The following CWC27 variants were observed in gnomAD, a reference collection of about 807,000 sequenced individuals.
CWC27 encodes the protein CWC27 spliceosome associated cyclophilin.
CWC27 carries 47 observed loss-of-function variants against 63.6 expected under a neutral mutation model. The observed-to-expected ratio is 0.74, with a 90% confidence interval of 0.58 to 0.94. The LOEUF (loss-of-function observed/expected upper bound fraction) is 0.94, where lower values mean the gene tolerates loss of function less well. CWC27 is among the 40% of genes least tolerant of loss of function. The probability of loss-of-function intolerance (pLI) is 0.00; values close to 1 mark genes in which losing one functional copy is unlikely to be tolerated. For synonymous variants in CWC27, 175 were observed against 179.8 expected (o/e 0.97, Z 0.22); for missense variants, 495 against 554.3 (o/e 0.89, Z 1.07).
intron 11 of CWC27, among the ~76,000 whole-genome samples, chr5:64,956,384 T>G (rs1211377572): frequency 1.3e-5 from 2 of 152,162 alleles, no homozygotes; most frequent in Admixed American, 1.3e-4. Context: ...TTATACATTC[T>G]TCATTTTCAA....
At position 65,018,168 on chromosome 5, in the gene CWC27, T is replaced by A. The variant is rs1300135504; in HGVS notation, c.1266T>A (p.His422Gln). The change falls in exon 14 of 14, where the codon CAT (histidine) becomes CAA (glutamine). Residue 422 changes from histidine to glutamine, a missense_variant. Physicochemically the swap from His to Gln is conservative, Grantham distance 24. Coordinates refer to ENST00000381070, the MANE Select transcript of CWC27 (RefSeq NM_005869.4). ...EVEDDEGWMSHVLQFEDKSRK... is the reference protein window; with the variant it reads ...EVEDDEGWMSQVLQFEDKSRK... Reference sequence around the variant, plus strand: ...CTCTCTCCCTATTTAGGATGTCACATGTACTTCAGTTTGAGGATAAAAGCA... The same window carrying A: ...CTCTCTCCCTATTTAGGATGTCACAAGTACTTCAGTTTGAGGATAAAAGCA... 1 of 1,595,808 alleles carries A rather than the reference T, an allele frequency of 6.3e-7. No homozygotes were observed. The highest frequency in any genetic ancestry group is 1.2e-5 in the South Asian group (1 of 86,606).
At chr5:64,780,413 A>T (rs1274427348) in intron 2 of CWC27, among the ~76,000 whole-genome samples, 2 of 151,016 alleles carry the variant, frequency 1.3e-5, no homozygotes, top group Non-Finnish European at 2.9e-5. Flanking sequence ...TGTATATACA[A>T]ATATATATAT....
At chr5:64,880,065 T>C (rs976701915) in intron 10 of CWC27, among the ~76,000 whole-genome samples, 1 of 151,988 alleles carries the variant, frequency 6.6e-6, no homozygotes, top group Non-Finnish European at 1.5e-5. Flanking sequence ...AATTCCTACT[T>C]ATCACTTATC....
Position 64,990,351 on chromosome 5 carries a change from G to A in CWC27, c.1256+13113G>A, listed in dbSNP as rs1227862792. 9.8e-4 allele frequency among the ~76,000 whole-genome samples: 55 copies of A among 56,050 alleles called. 13 individuals are homozygous for A. The highest frequency in any genetic ancestry group is 6.3e-3 in the Admixed American group (30 of 4,744). The allele number at this position is 56,050 out of a possible 152,430, so 36.8% of individuals were successfully genotyped here. Reference sequence around the variant, plus strand: ...GGGATCTCGGCTCACTGCAAGCTCCGCCTCCCGGGTTCACGCCATTCTCCT... The same window carrying A: ...GGGATCTCGGCTCACTGCAAGCTCCACCTCCCGGGTTCACGCCATTCTCCT... On this transcript the variant is annotated intron_variant, in intron 13 of 13. Transcript: ENST00000381070.
intron 10 of CWC27, among the ~76,000 whole-genome samples, chr5:64,824,726 C>CTT (rs1745310491): frequency 9.0e-6 from 1 of 111,488 alleles, no homozygotes; most frequent in African/African-American, 3.5e-5. Context: ...CCTTTCTTTT[C>CTT]TCTTTTTTTT....
intron 10 of CWC27, among the ~76,000 whole-genome samples, chr5:64,806,893 C>T (rs866454907): frequency 9.2e-5 from 14 of 152,032 alleles, no homozygotes; most frequent in Admixed American, 5.9e-4. Context: ...TTTATACCAG[C>T]GAGTCTCTGA....
chr5:64,946,751 AC>A (rs1748599516), intron 11 of CWC27, among the ~76,000 whole-genome samples: 2 of 152,102 alleles, frequency 1.3e-5, no homozygotes, highest in Admixed American at 6.6e-5. Flanking sequence ...CTGTAATTAG[AC>A]AATTTCTTTT....
chr5:64,861,833 G>T (rs1411740730), intron 10 of CWC27, among the ~76,000 whole-genome samples: 1 of 152,076 alleles, frequency 6.6e-6, no homozygotes, highest in Admixed American at 6.5e-5. Flanking sequence ...AGGAATATAG[G>T]TTACTAAACT....
At chr5:64,888,839 T>C (rs2112348349) in intron 11 of CWC27, among the ~76,000 whole-genome samples, 1 of 152,152 alleles carries the variant, frequency 6.6e-6, no homozygotes, top group South Asian at 2.1e-4. Flanking sequence ...CAAAGTATTT[T>C]CCCCTAAATA....
chr5:64,791,747 G>T (rs1032974449), intron 7 of CWC27, among the ~76,000 whole-genome samples: 1 of 151,968 alleles, frequency 6.6e-6, no homozygotes, highest in Non-Finnish European at 1.5e-5. Flanking sequence ...ATCAAGCCCT[G>T]GGGAAGTCTT....
chr5:64,837,363 T>C (rs957643692), intron 10 of CWC27, among the ~76,000 whole-genome samples: 1 of 152,120 alleles, frequency 6.6e-6, no homozygotes, highest in Non-Finnish European at 1.5e-5. Flanking sequence ...AGCTCTTCAA[T>C]AGCCTGCATA....
rs141709117 is a variant in CWC27, at chr5:64,882,657, G to C, written c.939-2786G>C. On this transcript the variant is annotated intron_variant, in intron 10 of 13. Coordinates refer to ENST00000381070, the MANE Select transcript of CWC27 (RefSeq NM_005869.4). ...CGCCCAGGCTGGAGTGCAGTGGTGC[G>C]ATCTTGGCTCACTGCAGGCTCCGCC... Among the ~76,000 whole-genome samples the C allele has an allele frequency of 1.2e-3, 178 of 152,226 alleles. 1 individual carries two copies. The Middle Eastern group carries it at 0.041, about 35-fold the overall frequency.
chr5:64,947,506 G>A (rs1748612652), intron 11 of CWC27, among the ~76,000 whole-genome samples: 1 of 152,050 alleles, frequency 6.6e-6, no homozygotes, highest in African/African-American at 2.4e-5. Context: ...TTAAGCTTCT[G>A]TATAAGATCT....
At chr5:64,801,498 C>A (rs10050850) in intron 9 of CWC27, among the ~76,000 whole-genome samples, 166 bp downstream of exon 9, 143,271 of 152,178 alleles carry the variant, frequency 0.94, 67,515 homozygotes, top group East Asian at 0.99. Context: ...AGGTGTTAGA[C>A]TATTTCCTTA....
intron 13 of CWC27, among the ~76,000 whole-genome samples, chr5:65,010,435 T>C (rs1437721206): frequency 1.3e-5 from 2 of 152,204 alleles, no homozygotes; most frequent in African/African-American, 4.8e-5. Flanking sequence ...CCTAAAAAAC[T>C]TAAATCAGAT....
intron 1 of CWC27, among the ~76,000 whole-genome samples, chr5:64,771,274 A>C (rs2112134523): frequency 6.6e-6 from 1 of 152,330 alleles, no homozygotes; most frequent in Middle Eastern, 3.4e-3. Flanking sequence ...TGTTCAACGA[A>C]TGTTTATTGC....
chr5:64,822,073 G>A (rs773849623), intron 10 of CWC27, among the ~76,000 whole-genome samples: 8 of 152,150 alleles, frequency 5.3e-5, no homozygotes, highest in African/African-American at 7.2e-5. Flanking sequence ...TTAGATGGTA[G>A]AAAACAATAC....
intron 1 of CWC27, 57 bp downstream of exon 1, chr5:64,769,245 G>A: frequency 6.5e-7 from 1 of 1,533,492 alleles, no homozygotes; most frequent in Non-Finnish European, 9.0e-7. Flanking sequence ...GAGATTTCCC[G>A]GATTTGGGGT....
chr5:64,971,249 A>G (rs1749119746), intron 11 of CWC27, among the ~76,000 whole-genome samples: 1 of 152,168 alleles, frequency 6.6e-6, no homozygotes, highest in Non-Finnish European at 1.5e-5. Flanking sequence ...TTTATTTTCT[A>G]TGATGCCATT....
Sources: allele counts gnomAD v4.1 joint callset (sites outside exome capture counted in the v4.1 genomes callset), GRCh38; gene constraint gnomAD v4.1.1; transcripts MANE v1.5; gene names NCBI Gene and HGNC (gene_info 2026-07-23, HGNC 2026-07-21).